IFT43: variants seen among roughly 807,000 people sequenced by gnomAD.
The protein encoded by IFT43 is intraflagellar transport 43.
In IFT43, 33 loss-of-function variants were observed where a neutral mutation model predicts 32.3. The observed-to-expected ratio is 1.02, with a 90% CI of 0.77 to 1.37. The LOEUF is 1.37. Among genes scored for constraint, IFT43 ranks in the 40% most tolerant of loss-of-function variants. The pLI, the probability that IFT43 is intolerant of heterozygous loss-of-function variation, is 0.00. For synonymous variants in IFT43, 93 were observed against 98.2 expected, an observed-to-expected ratio of 0.95 and a Z score of 0.31; for missense variants, 274 against 265.9, an observed-to-expected ratio of 1.03 and a Z score of -0.21.
intron 5 of IFT43, among the ~76,000 whole-genome samples, chr14:76,062,917 CAAAAAAAAA>C (rs746158153): frequency 2.9e-4 from 21 of 72,476 alleles, no homozygotes; most frequent in Admixed American, 1.4e-3. Flanking sequence ...GATCCCATCT[CAAAAAAAAA>C]AAAAAAAAAA....
intron 2 of IFT43, among the ~76,000 whole-genome samples, chr14:75,996,933 C>T (rs998167107): frequency 3.3e-5 from 5 of 152,222 alleles, no homozygotes; most frequent in Non-Finnish European, 7.3e-5. Context: ...ATTAACCAGA[C>T]ATGCTCCCTG....
At chr14:75,988,756 G>C in intron 1 of IFT43, 129 bp from the exon 2 acceptor site, 1 of 1,358,556 alleles carries the variant, frequency 7.4e-7, no homozygotes, top group South Asian at 1.2e-5. Context: ...CTGACCTTGT[G>C]ATCTGCCTGC....
At chr14:76,049,105 A>G (rs962539773) in intron 3 of IFT43, among the ~76,000 whole-genome samples, 1 of 152,356 alleles carries the variant, frequency 6.6e-6, no homozygotes, top group East Asian at 1.9e-4. Flanking sequence ...GCAATTAAAC[A>G]TGAATTGAAA....
intron 2 of IFT43, among the ~76,000 whole-genome samples, chr14:75,996,674 C>T (rs2035753362): frequency 6.6e-6 from 1 of 152,168 alleles, no homozygotes; most frequent in Non-Finnish European, 1.5e-5. Context: ...CAGTTGTTTG[C>T]CAACACCTTT....
chr14:76,082,713 A>G, intron 7 of IFT43, 21 bp downstream of exon 7: 1 of 1,530,550 alleles, frequency 6.5e-7, no homozygotes, highest in Non-Finnish European at 9.1e-7. Context: ...CAGCTTCTGC[A>G]TAGAGAGGCG....
intron 3 of IFT43, among the ~76,000 whole-genome samples, chr14:76,030,419 A>G (rs79853713): frequency 0.012 from 1,899 of 152,274 alleles, 50 homozygotes; most frequent in African/African-American, 0.043. Context: ...GGAGTCAGCT[A>G]CTTCTCCAAG....
At chr14:76,066,919 ATTG>A (rs1327118954) in intron 5 of IFT43, among the ~76,000 whole-genome samples, 1 of 152,204 alleles carries the variant, frequency 6.6e-6, no homozygotes, top group African/African-American at 2.4e-5. Context: ...ATTAGACTTT[ATTG>A]AGGAAAGCCA....
chr14:76,007,964 T>C (rs1312657820), intron 2 of IFT43, among the ~76,000 whole-genome samples: 1 of 152,208 alleles, frequency 6.6e-6, no homozygotes, highest in African/African-American at 2.4e-5. Flanking sequence ...TGGATCCGCC[T>C]CTTCAACAAA....
At chr14:76,071,120 A>T (rs974226915) in intron 5 of IFT43, among the ~76,000 whole-genome samples, 1 of 152,058 alleles carries the variant, frequency 6.6e-6, no homozygotes, top group African/African-American at 2.4e-5. Flanking sequence ...TAGGAACTCC[A>T]CATCCATAGT....
At chr14:76,022,106 C>T (rs2036301869) in intron 2 of IFT43, among the ~76,000 whole-genome samples, 1 of 152,104 alleles carries the variant, frequency 6.6e-6, no homozygotes, top group South Asian at 2.1e-4. Context: ...CAAAAATTAG[C>T]TGTGCGTGGT....
At chr14:76,027,971 A>G (rs976995476) in intron 3 of IFT43, among the ~76,000 whole-genome samples, 24 of 152,078 alleles carry the variant, frequency 1.6e-4, no homozygotes, top group African/African-American at 5.6e-4. Context: ...GACATTGACT[A>G]TTTTGAGGAA....
chr14:76,051,690 C>T (rs1485733718), intron 3 of IFT43, among the ~76,000 whole-genome samples: 1 of 152,134 alleles, frequency 6.6e-6, no homozygotes, highest in African/African-American at 2.4e-5. Flanking sequence ...GGTAGAAAAC[C>T]TTGCAAGAAA....
At chr14:76,013,001 A>G (rs2036115231) in intron 2 of IFT43, among the ~76,000 whole-genome samples, 1 of 152,188 alleles carries the variant, frequency 6.6e-6, no homozygotes, top group Non-Finnish European at 1.5e-5. Context: ...TCTCCTTGAC[A>G]CAGGGATAGA....
At chr14:76,079,623 C>T (rs1000117803) in intron 5 of IFT43, among the ~76,000 whole-genome samples, 28 of 152,138 alleles carry the variant, frequency 1.8e-4, no homozygotes, top group Admixed American at 1.8e-3. Context: ...TGTTCTTCTC[C>T]GTTTTAGCAA....
intron 4 of IFT43, 161 bp from the exon 5 acceptor site, chr14:76,059,166 A>G: frequency 1.9e-6 from 3 of 1,554,370 alleles, no homozygotes; most frequent in South Asian, 1.2e-5. Flanking sequence ...CACACACGGC[A>G]CACCCAGTGG....
At chr14:76,076,581 T>C (rs999497221) in intron 5 of IFT43, 1 of 1,614,008 alleles carries the variant, frequency 6.2e-7, no homozygotes, top group South Asian at 1.1e-5. Flanking sequence ...ATCTAAGAAG[T>C]CACTTTCTGT....
intron 3 of IFT43, 166 bp downstream of exon 3, chr14:76,022,560 CAG>C (rs1157589165): frequency 5.6e-6 from 3 of 536,610 alleles, no homozygotes; most frequent in Non-Finnish European, 6.8e-6. Flanking sequence ...AATATATTCA[CAG>C]AGTTGTGCAA....
intron 5 of IFT43, chr14:76,076,469 G>C: frequency 7.0e-7 from 1 of 1,428,930 alleles, no homozygotes; most frequent in East Asian, 2.5e-5. Flanking sequence ...CCAGGGGCCA[G>C]ATTGGGGTGT....
intron 5 of IFT43, among the ~76,000 whole-genome samples, chr14:76,078,398 T>C (rs1444328468): frequency 6.6e-6 from 1 of 152,242 alleles, no homozygotes; most frequent in African/African-American, 2.4e-5. Context: ...AAGCAGTACC[T>C]TTCTTTGTGT....
Sources: gnomAD v4.1 joint callset for allele counts (sites outside exome capture counted in the v4.1 genomes callset) on GRCh38, gnomAD v4.1.1 for gene constraint, MANE v1.5 for transcripts, NCBI Gene and HGNC (gene_info 2026-07-23, HGNC 2026-07-21) for gene names.